Variants in OGT observed in about 807,000 individuals in gnomAD.
OGT encodes the protein UDP-N-acetylglucosamine--peptide N-acetylglucosaminyltransferase 110 kDa subunit.
A neutral mutation model predicts 75.8 loss-of-function variants in OGT; 3 were observed. The observed-to-expected ratio is 0.04, with a 90% CI of 0.02 to 0.10. The LOEUF is 0.10. Ranked by LOEUF, OGT falls within the 10% of genes least tolerant of loss-of-function variation. The pLI is 1.00. For synonymous variants in OGT, 257 were observed against 289.7 expected, an observed-to-expected ratio of 0.89 and a Z score of 1.15; for missense variants, 260 against 824.4, an observed-to-expected ratio of 0.32 and a Z score of 8.38.
chrX:71,574,921 G>T lies in OGT; in HGVS notation c.*1127G>T, dbSNP rs1487881622. 9.0e-6 allele frequency: 1 copy of T among 111,048 alleles called. No homozygotes were observed. Among genetic ancestry groups the T allele is most frequent in the African/African-American group, 3.3e-5 (1 of 30,456 alleles). 9.2% of individuals were successfully genotyped at this position (111,048 alleles called of 1,213,427 possible). A position where few individuals can be genotyped will look rare whatever the true frequency, so the allele number is the denominator to read the frequency against. ...TAGGTTATAGGTAAAATCTCTGAAGGATCATCTATGTATTCAAGTAATTAT... is the reference window on the plus strand; with the variant it reads ...TAGGTTATAGGTAAAATCTCTGAAGTATCATCTATGTATTCAAGTAATTAT... On this transcript the variant is annotated 3_prime_UTR_variant, in exon 22 of 22. Coordinates refer to ENST00000373719, the MANE Select transcript of OGT (RefSeq NM_181672.3).
intron 1 of OGT, 41 bp downstream of exon 1, chrX:71,533,377 G>C: frequency 1.8e-6 from 2 of 1,133,853 alleles, no homozygotes; most frequent in Non-Finnish European, 2.4e-6. Context: ...GCCCCCTTGG[G>C]GTCTCGCGCC....
At chrX:71,549,067 G>T (rs768606032) in intron 5 of OGT, among the ~76,000 whole-genome samples, 78 of 109,387 alleles carry the variant, frequency 7.1e-4, no homozygotes, top group African/African-American at 2.4e-3. Context: ...TGCTTTGGGA[G>T]GCCGAGGCGG....
At chrX:71,544,667 A>G in intron 4 of OGT, 32 bp downstream of exon 4, 1 of 1,115,742 alleles carries the variant, frequency 9.0e-7, no homozygotes, top group Non-Finnish European at 1.2e-6. Flanking sequence ...TTTAAACATC[A>G]GTATTATGAA....
At chrX:71,571,486 C>T (rs1337021231) in intron 21 of OGT, among the ~76,000 whole-genome samples, 11 of 112,185 alleles carry the variant, frequency 9.8e-5, no homozygotes, top group East Asian at 2.8e-4. Context: ...CTGCAACTTC[C>T]GCCTCCCGGG....
chrX:71,535,850 T>C (rs960355362), intron 1 of OGT, among the ~76,000 whole-genome samples: 5 of 112,146 alleles, frequency 4.5e-5, no homozygotes, highest in African/African-American at 1.6e-4. Flanking sequence ...TAAGGAATAA[T>C]GTTCAGTGAA....
chrX:71,561,089 G>A (rs1342913052), intron 14 of OGT, among the ~76,000 whole-genome samples: 2 of 109,200 alleles, frequency 1.8e-5, no homozygotes, highest in East Asian at 5.8e-4. Flanking sequence ...CACCACACCC[G>A]GCTAATTTTT....
intron 4 of OGT, chrX:71,547,470 A>C: frequency 1.3e-6 from 1 of 762,006 alleles, no homozygotes; most frequent in African/African-American, 2.3e-5. Context: ...ATACCTCTTA[A>C]CACCTCATAG....
At chrX:71,555,134 TTGTGTGTGTGTGTGTGTGTGTGTGTGTG>T in intron 6 of OGT, 28 bp from the exon 7 acceptor site, 5 of 541,425 alleles carry the variant, frequency 9.2e-6, no homozygotes, top group Non-Finnish European at 1.4e-5. Context: ...GAGTTACATT[TTGTGTGTGTGTGTGTGTGTGTGTGTGTG>T]TGTGTGTGTG....
At chrX:71,537,061 G>C (rs947580392) in intron 2 of OGT, 1 of 168,343 alleles carries the variant, frequency 5.9e-6, no homozygotes, top group Non-Finnish European at 1.1e-5. Context: ...TCTGCCTCCT[G>C]GGTTCAAGCG....
chrX:71,541,516 G>A (rs1260177746), intron 3 of OGT, among the ~76,000 whole-genome samples: 1 of 111,657 alleles, frequency 9.0e-6, no homozygotes, highest in Non-Finnish European at 1.9e-5. Context: ...GGAAAAAATG[G>A]TGTAAGTTCC....
At chrX:71,554,770 T>C (rs2040330962) in intron 6 of OGT, among the ~76,000 whole-genome samples, 178 bp downstream of exon 6, 1 of 112,413 alleles carries the variant, frequency 8.9e-6, no homozygotes, top group Non-Finnish European at 1.9e-5. Context: ...TGCCTGACTT[T>C]TTGTTGTTGG....
chrX:71,555,443 C>A, intron 7 of OGT, 58 bp downstream of exon 7: 1 of 1,045,419 alleles, frequency 9.6e-7, no homozygotes, highest in Non-Finnish European at 1.3e-6. Flanking sequence ...CTTTTCTGGC[C>A]AGGTGTGGTG....
In OGT at chrX:71,559,638, G is replaced by A; in HGVS notation, c.1812G>A (p.Lys604=). 2 of 1,210,450 alleles carry A rather than the reference G, an allele frequency of 1.7e-6. No individual in the cohort carries two copies. The highest frequency in any genetic ancestry group is 2.2e-6 in the Non-Finnish European group (2 of 894,338). Reference sequence around the variant, plus strand: ...ACGATGGCACAAACTTCCGAGTGAAGGTGATGGCAGAAGCCAATCATTTCA... The same window carrying A: ...ACGATGGCACAAACTTCCGAGTGAAAGTGATGGCAGAAGCCAATCATTTCA... ...SPDDGTNFRV[K]VMAEANHFID... Residue 604 remains lysine (K), a synonymous_variant, in exon 14 of 22, where the codon AAG becomes AAA. Transcript: ENST00000373719.
intron 21 of OGT, among the ~76,000 whole-genome samples, chrX:71,570,644 A>T (rs1032227478): frequency 8.9e-6 from 1 of 111,767 alleles, no homozygotes; most frequent in Non-Finnish European, 1.9e-5. Flanking sequence ...GTATCTGGTA[A>T]ACATTCAGCA....
In OGT at chrX:71,575,154, A is replaced by C. The variant is rs1405455881; in HGVS notation, c.*1360A>C. 9.0e-6 allele frequency: 1 copy of C among 111,521 alleles called. No homozygotes were observed. Among genetic ancestry groups the C allele is most frequent in the Non-Finnish European group, 1.9e-5 (1 of 53,068 alleles). The allele number at this position is 111,521 out of a possible 1,213,427, so 9.2% of individuals were successfully genotyped here. A position where few individuals can be genotyped will look rare whatever the true frequency, so the allele number is the denominator to read the frequency against. ...GAGGCTTAAACAAGCCAACATATGAATATATGTTTTGTCTCGCTATACTGC... is the reference window on the plus strand; with the variant it reads ...GAGGCTTAAACAAGCCAACATATGACTATATGTTTTGTCTCGCTATACTGC... On this transcript the variant is annotated 3_prime_UTR_variant, in exon 22 of 22. Coordinates refer to ENST00000373719, the MANE Select transcript of OGT (RefSeq NM_181672.3).
rs1477080453 is a variant in OGT at position 71,575,832 on chromosome X, C to T, written c.*2038C>T. 1 of 112,047 alleles carries T rather than the reference C, an allele frequency of 8.9e-6. No individual in the cohort carries two copies. Among genetic ancestry groups the T allele is most frequent in the Non-Finnish European group, 1.9e-5 (1 of 53,150 alleles). The allele number at this position is 112,047 out of a possible 1,213,427, so 9.2% of individuals were successfully genotyped here. A position where few individuals can be genotyped will look rare whatever the true frequency, so the allele number is the denominator to read the frequency against. On this transcript the variant is annotated 3_prime_UTR_variant, in exon 22 of 22. Coordinates refer to ENST00000373719, the MANE Select transcript of OGT (RefSeq NM_181672.3). ...TATCAAAGAAGTAAAACATTTAAAT[C>T]GTACTACAGAAATTAAGATGTTGTC...
chrX:71,550,676 C>T (rs983290427), intron 5 of OGT, among the ~76,000 whole-genome samples: 2 of 112,118 alleles, frequency 1.8e-5, no homozygotes, highest in Non-Finnish European at 3.8e-5. Flanking sequence ...TCTCCTAATC[C>T]GGGGTTGCCT....
intron 21 of OGT, among the ~76,000 whole-genome samples, chrX:71,570,807 A>G (rs1243704069): frequency 1.8e-5 from 2 of 110,345 alleles, no homozygotes; most frequent in Non-Finnish European, 3.8e-5. Context: ...AGTGCGTTTT[A>G]TTTTCAGACA....
intron 6 of OGT, 25 bp downstream of exon 6, chrX:71,554,617 A>C (rs757692023): frequency 1.8e-6 from 2 of 1,103,605 alleles, no homozygotes; most frequent in Non-Finnish European, 2.5e-6. Context: ...TGTTTAATAA[A>C]TTTTCTTGAA....
Sources: gnomAD v4.1 joint callset for allele counts (sites outside exome capture counted in the v4.1 genomes callset) on GRCh38, gnomAD v4.1.1 for gene constraint, MANE v1.5 for transcripts, NCBI Gene and HGNC (gene_info 2026-07-23, HGNC 2026-07-21) for gene names.